Variants in TMT1B observed in about 807,000 individuals in gnomAD.
The protein encoded by TMT1B is thiol S-methyltransferase TMT1B.
chr12:55,684,531 G>A, the TMT1B span: 98 of 169,942 alleles, frequency 5.8e-4, no homozygotes, highest in African/African-American at 2.3e-3. Context: ...AATCAGAGAT[G>A]CTGGGGATGC....
At chr12:55,684,135 T>C in the TMT1B span, 11 of 1,236,058 alleles carry the variant, frequency 8.9e-6, no homozygotes, top group East Asian at 9.3e-5. Flanking sequence ...TATCTTCCAC[T>C]GAGAGGGACC....
the TMT1B span, chr12:55,682,117 G>A: frequency 2.7e-5 from 44 of 1,614,046 alleles, 2 homozygotes; most frequent in Non-Finnish European, 4.2e-6. Context: ...AATATGAGCG[G>A]TTTGTGGTGG....
chr12:55,682,084 C>T, the TMT1B span: 12 of 1,614,208 alleles, frequency 7.4e-6, no homozygotes, highest in Non-Finnish European at 1.0e-5. Context: ...TGACAAAGAG[C>T]ATGGCTGAGA....
the TMT1B span, chr12:55,682,262 G>A: frequency 2.2e-5 from 35 of 1,604,244 alleles, no homozygotes; most frequent in Non-Finnish European, 2.9e-5. Flanking sequence ...GGTAAGCAGG[G>A]TGGGAAGGGG....
the TMT1B span, chr12:55,683,839 T>C: frequency 6.2e-7 from 1 of 1,614,066 alleles, no homozygotes; most frequent in Non-Finnish European, 8.5e-7. Flanking sequence ...TCTGGGAGCA[T>C]GTGGCAGAAC....
the TMT1B span, chr12:55,682,089 C>T: frequency 6.2e-7 from 1 of 1,614,220 alleles, no homozygotes; most frequent in Admixed American, 1.7e-5. Flanking sequence ...AAGAGCATGG[C>T]TGAGAACAGG....
the TMT1B span, chr12:55,682,274 T>C: frequency 6.3e-7 from 1 of 1,592,906 alleles, no homozygotes; most frequent in Non-Finnish European, 8.6e-7. Flanking sequence ...GGGAAGGGGA[T>C]GGGTGTGGGG....
chr12:55,682,280 T>C, the TMT1B span: 1 of 1,579,658 alleles, frequency 6.3e-7, no homozygotes, highest in Non-Finnish European at 8.6e-7. Context: ...GGGATGGGTG[T>C]GGGGCAGGCA....
At chr12:55,683,070 G>C in the TMT1B span, among the ~76,000 whole-genome samples, 1 of 152,176 alleles carries the variant, frequency 6.6e-6, no homozygotes. Context: ...AGTGAGGCGA[G>C]GAGCTTGAGG....
At chr12:55,684,333 C>T in the TMT1B span, 60 of 394,732 alleles carry the variant, frequency 1.5e-4, no homozygotes, top group East Asian at 2.2e-3. Context: ...AGTCTCCCAA[C>T]GTTTGCCTCC....
At chr12:55,682,197 G>A in the TMT1B span, 1 of 1,613,982 alleles carries the variant, frequency 6.2e-7, no homozygotes. Flanking sequence ...CTGGTGCTGT[G>A]CTCTGTGCAG....
At chr12:55,683,679 G>A in the TMT1B span, 127 of 833,122 alleles carry the variant, frequency 1.5e-4, 2 homozygotes, top group Non-Finnish European at 2.2e-4. Flanking sequence ...AAGGTCAGGG[G>A]CACGACAGTT....
chr12:55,682,952 G>T, the TMT1B span, among the ~76,000 whole-genome samples: 45,306 of 151,800 alleles, frequency 0.3, 7,310 homozygotes, highest in Middle Eastern at 0.4. Flanking sequence ...TAGTTTCCAG[G>T]TTTCTAGCAT....
the TMT1B span, chr12:55,684,113 C>T: frequency 1.4e-6 from 2 of 1,464,522 alleles, no homozygotes; most frequent in Non-Finnish European, 1.9e-6. Context: ...ACAAGCCACC[C>T]ACCAGCCTAT....
At chr12:55,681,746 T>C in the TMT1B span, 1 of 1,542,226 alleles carries the variant, frequency 6.5e-7, no homozygotes. Context: ...AGCTCAGAGC[T>C]GGTCTGCCAT....
chr12:55,682,055 C>T, the TMT1B span: 2 of 1,614,116 alleles, frequency 1.2e-6, no homozygotes, highest in Non-Finnish European at 8.5e-7. Flanking sequence ...AGACCCAAAT[C>T]CCCACTTTGA....
chr12:55,682,305 C>T, the TMT1B span: 54 of 1,563,316 alleles, frequency 3.5e-5, no homozygotes, highest in Admixed American at 7.8e-4. Context: ...CAGCATCAGC[C>T]GCCCCAGGGT....
chr12:55,682,088 G>A, the TMT1B span: 3 of 1,614,198 alleles, frequency 1.9e-6, no homozygotes, highest in Non-Finnish European at 2.5e-6. Context: ...AAAGAGCATG[G>A]CTGAGAACAG....
the TMT1B span, chr12:55,684,299 T>A: frequency 2.1e-6 from 1 of 468,252 alleles, no homozygotes; most frequent in Non-Finnish European, 3.9e-6. Context: ...CCCTGTTGTA[T>A]CCTCAACTGC....
Sources: gnomAD v4.1 joint callset for allele counts (sites outside exome capture counted in the v4.1 genomes callset) on GRCh38, gnomAD v4.1.1 for gene constraint, MANE v1.5 for transcripts, NCBI Gene and HGNC (gene_info 2026-07-23, HGNC 2026-07-21) for gene names.